TULP3: variants seen among roughly 807,000 people sequenced by gnomAD.
TULP3 encodes the protein tubby-related protein 3.
TULP3 carries 38 observed loss-of-function variants against 50.7 expected under a neutral mutation model. That is an observed-to-expected ratio of 0.75 (90% CI 0.58 to 0.98). The LOEUF (loss-of-function observed/expected upper bound fraction) is 0.98. Ranked by LOEUF, TULP3 falls within the 50% of genes least tolerant of loss-of-function variation. TULP3 has a pLI of 0.00. For missense variants in TULP3, 550 were observed against 568.0 expected, an observed-to-expected ratio of 0.97 and a Z score of 0.32; for synonymous variants, 183 against 196.6, an observed-to-expected ratio of 0.93 and a Z score of 0.58.
In TULP3 at chr12:2,940,395, G is replaced by A. The variant is rs574219535; in HGVS notation, c.*951G>A. On this transcript the variant is annotated 3_prime_UTR_variant, in exon 11 of 11. Coordinates refer to ENST00000448120, the MANE Select transcript of TULP3 (RefSeq NM_003324.5). ...CAGCAGACATGAGCACTGCTGGCCC[G>A]TGTGGCAGAGCTGTGGACTTTCTTC... 4.9e-5 allele frequency: 72 copies of A among 1,455,020 alleles called. No individual in the cohort carries two copies. The highest frequency in any genetic ancestry group is 3.6e-4 in the South Asian group (25 of 69,556). The allele number at this position is 1,455,020 out of a possible 1,614,324, so 90.1% of individuals were successfully genotyped here. A position where few individuals can be genotyped will look rare whatever the true frequency, so the allele number is the denominator to read the frequency against.
rs1050458813 is a variant in TULP3 at position 2,890,968 on chromosome 12, GCT to G, written c.23_24del (p.Leu8GlnfsTer10). The G allele has an allele frequency of 6.3e-7, 1 of 1,596,208 alleles. No homozygotes were observed. The highest frequency in any genetic ancestry group is 8.5e-7 in the Non-Finnish European group (1 of 1,171,980). ...CGGGCATGGAGGCTTCGCGCTGCCG[GCT>G]CAGTCCCAGCGGCGACAGGTCAGAC... The part of the protein sequence containing the change: MEASRCR[L>X]SPSGDSVFHE... On this transcript the variant is annotated frameshift_variant, in exon 1 of 11. Coordinates refer to ENST00000448120, the MANE Select transcript of TULP3 (RefSeq NM_003324.5). LOFTEE classifies it high-confidence loss of function.
At chr12:2,914,992 C>A (rs2098187800) in intron 2 of TULP3, among the ~76,000 whole-genome samples, 1 of 151,048 alleles carries the variant, frequency 6.6e-6, no homozygotes, top group Non-Finnish European at 1.5e-5. Flanking sequence ...ATTTTCTTTT[C>A]TTTTCTTTTT....
chr12:2,930,918 T>A (rs2098197605), intron 5 of TULP3, 119 bp from the exon 6 acceptor site: 2 of 1,084,516 alleles, frequency 1.8e-6, no homozygotes, highest in Non-Finnish European at 1.4e-6. Flanking sequence ...TTCCTCATTC[T>A]GTCAGAAGAC....
chr12:2,940,001 CCT>C lies in TULP3; in HGVS notation c.*562_*563del. ...CAGGGACTGACATCGCAGTTCCTCTCCTCTCTTCATTCCCTCACAGCAGATTG... is the reference window on the plus strand; with the variant it reads ...CAGGGACTGACATCGCAGTTCCTCTCCTCTTCATTCCCTCACAGCAGATTG... On this transcript the variant is annotated 3_prime_UTR_variant, in exon 11 of 11. Coordinates refer to ENST00000448120, the MANE Select transcript of TULP3 (RefSeq NM_003324.5). The C allele has an allele frequency of 7.8e-7, 1 of 1,285,512 alleles. No individual in the cohort carries two copies. Among genetic ancestry groups the C allele is most frequent in the Non-Finnish European group, 1.0e-6 (1 of 985,536 alleles). 79.6% of individuals were successfully genotyped at this position (1,285,512 alleles called of 1,614,324 possible).
At chr12:2,917,331 G>A (rs1026135743) in intron 2 of TULP3, among the ~76,000 whole-genome samples, 3 of 152,010 alleles carry the variant, frequency 2.0e-5, no homozygotes, top group Admixed American at 2.0e-4. Flanking sequence ...AATCAGCTGG[G>A]CATGGTGGGG....
At chr12:2,906,033 T>A (rs4343084) in intron 1 of TULP3, among the ~76,000 whole-genome samples, 28,195 of 98,756 alleles carry the variant, frequency 0.29, 2,813 homozygotes, top group African/African-American at 0.39. Context: ...AAAAAAAAAA[T>A]TTTTTTTTTT....
chr12:2,938,056 C>G (rs888130572), intron 9 of TULP3, 58 bp from the exon 10 acceptor site: 1 of 1,575,954 alleles, frequency 6.3e-7, no homozygotes, highest in East Asian at 2.2e-5. Context: ...CCTACTCTAC[C>G]TTCTACCTCG....
At chr12:2,908,801 T>G (rs1162349400) in intron 1 of TULP3, among the ~76,000 whole-genome samples, 1 of 152,138 alleles carries the variant, frequency 6.6e-6, no homozygotes, top group Non-Finnish European at 1.5e-5. Flanking sequence ...GTTTTTTTCC[T>G]TCTTCAAGCA....
chr12:2,911,091 G>GT lies in TULP3; in HGVS notation c.93+1522dup, dbSNP rs201821790. On this transcript the variant is annotated intron_variant, in intron 2 of 10. Transcript: ENST00000448120. The stretch of plus-strand genomic sequence containing the variant: ...TTTTGTATATAGATACATTTTCTGA[G>GT]TTTTTTTTTTTAAGGTGGCCCTAAT... Among the ~76,000 whole-genome samples the GT allele has an allele frequency of 2.8e-3, 404 of 144,362 alleles. 1 individual carries two copies. Among genetic ancestry groups the GT allele is most frequent in the Middle Eastern group, 0.011 (3 of 272 alleles). The allele number at this position is 144,362 out of a possible 152,430, so 94.7% of individuals were successfully genotyped here. A position where few individuals can be genotyped will look rare whatever the true frequency, so the allele number is the denominator to read the frequency against.
intron 1 of TULP3, among the ~76,000 whole-genome samples, chr12:2,893,476 G>A (rs6489406): frequency 0.48 from 72,323 of 151,560 alleles, 17,700 homozygotes; most frequent in African/African-American, 0.59. Context: ...ATGCGCCACC[G>A]TGCCCGGCTA....
chr12:2,904,760 T>C (rs1053825547), intron 1 of TULP3, among the ~76,000 whole-genome samples: 1 of 151,516 alleles, frequency 6.6e-6, no homozygotes, highest in Non-Finnish European at 1.5e-5. Flanking sequence ...GGCTTGGTTA[T>C]GGTTAGGCTT....
At chr12:2,915,332 G>A (rs531773948) in intron 2 of TULP3, among the ~76,000 whole-genome samples, 2 of 152,184 alleles carry the variant, frequency 1.3e-5, no homozygotes, top group East Asian at 1.9e-4. Context: ...TTCTGACATG[G>A]ATGCATATTA....
intron 1 of TULP3, among the ~76,000 whole-genome samples, chr12:2,900,425 T>C (rs985713519): frequency 6.6e-6 from 1 of 152,088 alleles, no homozygotes; most frequent in African/African-American, 2.4e-5. Flanking sequence ...TAGTGCAAAA[T>C]TTAAATGTCC....
chr12:2,893,482 G>T (rs538890293), intron 1 of TULP3, among the ~76,000 whole-genome samples: 3 of 151,818 alleles, frequency 2.0e-5, no homozygotes, highest in African/African-American at 7.3e-5. Flanking sequence ...CACCGTGCCC[G>T]GCTAATTTTT....
intron 2 of TULP3, 51 bp downstream of exon 2, chr12:2,909,631 A>T: frequency 7.2e-6 from 11 of 1,535,420 alleles, no homozygotes; most frequent in Non-Finnish European, 9.7e-6. Flanking sequence ...ACTGACCGTG[A>T]TGCTGATGGT....
intron 8 of TULP3, among the ~76,000 whole-genome samples, chr12:2,935,311 C>A (rs188922046): frequency 6.6e-6 from 1 of 152,326 alleles, no homozygotes; most frequent in East Asian, 1.9e-4. Context: ...TTATCAAAGT[C>A]TTTTCTGATG....
chr12:2,909,669 A>G lies in TULP3; in HGVS notation c.93+89A>G, dbSNP rs1037091330. 130 of 1,343,148 alleles carry G rather than the reference A, an allele frequency of 9.7e-5. No individual in the cohort carries two copies. The African/African-American group carries it at 1.0e-3, about 10-fold the overall frequency. The allele number at this position is 1,343,148 out of a possible 1,614,324, so 83.2% of individuals were successfully genotyped here. On this transcript the variant is annotated intron_variant, in intron 2 of 10. Coordinates refer to ENST00000448120, the MANE Select transcript of TULP3 (RefSeq NM_003324.5). ...TGGCTCTGAAGCCTTTGGCAGGGCT[A>G]TGGAAAGAAGACTGGAAAGGAGAAG... is the stretch of plus-strand genomic sequence containing the variant.
At position 2,935,288 on chromosome 12, in the gene TULP3, C is replaced by T. The variant is rs908779872; in HGVS notation, c.924+727C>T. Among the ~76,000 whole-genome samples the T allele has an allele frequency of 4.6e-5, 7 of 152,204 alleles. No individual in the cohort carries two copies. The East Asian group carries it at 1.3e-3, about 29-fold the overall frequency. ...TGGAGAGGCTTCCCTTTTCCTCTTT[C>T]TGGCCTTTTGCCTTATCAAAGTCTT... On this transcript the variant is annotated intron_variant, in intron 8 of 10. Coordinates refer to ENST00000448120, the MANE Select transcript of TULP3 (RefSeq NM_003324.5).
Position 2,940,501 on chromosome 12 carries a change from T to G in TULP3, c.*1057T>G, listed in dbSNP as rs772826530. 6.6e-7 allele frequency: 1 copy of G among 1,524,730 alleles called. No homozygotes were observed. The highest frequency in any genetic ancestry group is 8.8e-7 in the Non-Finnish European group (1 of 1,132,596). The allele number at this position is 1,524,730 out of a possible 1,614,324, so 94.5% of individuals were successfully genotyped here. On this transcript the variant is annotated 3_prime_UTR_variant, in exon 11 of 11. Coordinates refer to ENST00000448120, the MANE Select transcript of TULP3 (RefSeq NM_003324.5). ...TTATTACACCCCTCCACGTATTATG[T>G]GACTCTTACACCAGTTCACCCTTCC...
Sources: gnomAD v4.1 joint callset for allele counts (sites outside exome capture counted in the v4.1 genomes callset) on GRCh38, gnomAD v4.1.1 for gene constraint, MANE v1.5 for transcripts, NCBI Gene and HGNC (gene_info 2026-07-23, HGNC 2026-07-21) for gene names.